Variants in CHN1 observed in about 807,000 individuals in gnomAD.
The protein encoded by CHN1 is N-chimaerin.
Under a neutral mutation model 59.5 loss-of-function variants are expected in CHN1, and 37 were observed. The ratio of observed to expected loss-of-function variants is 0.62; its 90% CI spans 0.48 to 0.82. The LOEUF (loss-of-function observed/expected upper bound fraction) is 0.82. Among genes scored for constraint, CHN1 ranks in the 40% least tolerant of loss-of-function variants. The pLI, the probability that CHN1 is intolerant of heterozygous loss-of-function variation, is 0.00. For missense variants in CHN1, 469 were observed against 571.0 expected (o/e 0.82, Z 1.82); for synonymous variants, 206 against 200.4 (o/e 1.03, Z -0.24).
At chr2:174,992,992 A>G (rs936176475) in intron 1 of CHN1, among the ~76,000 whole-genome samples, 23 of 151,944 alleles carry the variant, frequency 1.5e-4, no homozygotes, top group Non-Finnish European at 2.9e-4. Flanking sequence ...GTCTCACTAC[A>G]TTGCTCAGGC....
chr2:174,934,776 A>C (rs1445335949), intron 3 of CHN1, among the ~76,000 whole-genome samples: 2 of 152,206 alleles, frequency 1.3e-5, no homozygotes, highest in Non-Finnish European at 2.9e-5. Context: ...CTGGTTCCTG[A>C]AAATCTACTA....
chr2:174,954,989 G>GC (rs1245559372), intron 1 of CHN1, among the ~76,000 whole-genome samples: 1 of 151,680 alleles, frequency 6.6e-6, no homozygotes, highest in Non-Finnish European at 1.5e-5. Context: ...ACTTGCACAC[G>GC]CATGTTTATA....
intron 2 of CHN1, among the ~76,000 whole-genome samples, chr2:174,946,940 T>A (rs1248272478): frequency 6.6e-6 from 1 of 151,242 alleles, no homozygotes; most frequent in Non-Finnish European, 1.5e-5. Context: ...TTCAAGTCCA[T>A]TCCTCCATAT....
chr2:175,001,296 TTCAG>T (rs1691882325), intron 1 of CHN1, among the ~76,000 whole-genome samples: 1 of 152,204 alleles, frequency 6.6e-6, no homozygotes, highest in Non-Finnish European at 1.5e-5. Context: ...AAAATTAGCT[TTCAG>T]TCAAATATGA....
chr2:174,982,570 C>T (rs1691191033), intron 1 of CHN1, among the ~76,000 whole-genome samples: 1 of 152,164 alleles, frequency 6.6e-6, no homozygotes, highest in South Asian at 2.1e-4. Flanking sequence ...TAATTTTTAA[C>T]ATAAAACATT....
chr2:175,000,335 T>C (rs927822321), intron 1 of CHN1, among the ~76,000 whole-genome samples: 1 of 151,488 alleles, frequency 6.6e-6, no homozygotes, highest in African/African-American at 2.4e-5. Flanking sequence ...AGAGACATGG[T>C]TTTGCTATGT....
At position 174,915,097 on chromosome 2, in the gene CHN1, T is replaced by C; in HGVS notation, c.221A>G (p.Glu74Gly). ...IVAEGSYLIR[E>G]SQRQPGTYTL... The stretch of plus-strand genomic sequence containing the variant: ...GTAGGTCCCTGGCTGCCGCTGGCTC[T>C]CCCGGATGAGGTAGCTCCCCTCAGC... Residue 74 changes from glutamate (E) to glycine (G), a missense_variant, in exon 5 of 13, where the codon GAG becomes GGG. By Grantham distance (98) the Glu-to-Gly change is moderately conservative. Around this residue, in one of 5 missense-constraint regions of CHN1, gnomAD observed 152 missense variants for 166.1 expected, o/e 0.92. Transcript: ENST00000409900. 1 of 1,612,450 alleles carries C rather than the reference T, an allele frequency of 6.2e-7. No homozygotes were observed. Among genetic ancestry groups the C allele is most frequent in the Non-Finnish European group, 8.5e-7 (1 of 1,179,328 alleles).
intron 2 of CHN1, among the ~76,000 whole-genome samples, chr2:174,945,640 G>T (rs529638850): frequency 6.6e-6 from 1 of 151,912 alleles, no homozygotes; most frequent in South Asian, 2.1e-4. Context: ...AGGATGTGTG[G>T]CTATATATGT....
chr2:174,932,111 G>C (rs1474536224), intron 3 of CHN1, among the ~76,000 whole-genome samples: 1 of 152,190 alleles, frequency 6.6e-6, no homozygotes, highest in Non-Finnish European at 1.5e-5. Flanking sequence ...TAAGGGGAAA[G>C]ATCAGTTAAG....
chr2:174,859,341 CAT>C (rs963045700), intron 6 of CHN1, among the ~76,000 whole-genome samples: 6 of 152,220 alleles, frequency 3.9e-5, no homozygotes, highest in South Asian at 4.1e-4. Context: ...GCAGGGAAAA[CAT>C]AGTTTCAGGA....
In CHN1 at chr2:175,004,917, A is replaced by C; in HGVS notation, c.-5T>G. 6.5e-7 allele frequency: 1 copy of C among 1,534,590 alleles called. No individual in the cohort carries two copies. Among genetic ancestry groups the C allele is most frequent in the Non-Finnish European group, 8.7e-7 (1 of 1,144,582 alleles). ...ACCAAACAGGGTCAGGGCCATTGTAAAGGCGCTCGCCGCCGCCCGCGAGTC... is the reference window on the plus strand; with the variant it reads ...ACCAAACAGGGTCAGGGCCATTGTACAGGCGCTCGCCGCCGCCCGCGAGTC... On this transcript the variant is annotated 5_prime_UTR_variant, in exon 1 of 13. Coordinates refer to ENST00000409900, the MANE Select transcript of CHN1 (RefSeq NM_001822.7).
rs1185863102 is a variant in CHN1 at position 174,799,033 on chromosome 2, C to T, written c.*1083G>A. The stretch of plus-strand genomic sequence containing the variant: ...TGGCCTCTGGGGCTCATCTCTCAGG[C>T]AGCATTGTCAGCTCAATGCATGTTG... On this transcript the variant is annotated 3_prime_UTR_variant, in exon 13 of 13. Coordinates refer to ENST00000409900, the MANE Select transcript of CHN1 (RefSeq NM_001822.7). Among the ~76,000 whole-genome samples the T allele has an allele frequency of 6.6e-6, 1 of 152,228 alleles. No individual in the cohort carries two copies. Among genetic ancestry groups the T allele is most frequent in the Non-Finnish European group, 1.5e-5 (1 of 68,044 alleles).
chr2:174,987,114 A>C (rs779124787), intron 1 of CHN1, among the ~76,000 whole-genome samples: 4 of 152,228 alleles, frequency 2.6e-5, no homozygotes, highest in Non-Finnish European at 4.4e-5. Context: ...CATATAACAC[A>C]AAATATGCGT....
intron 1 of CHN1, among the ~76,000 whole-genome samples, chr2:174,977,149 C>T (rs970111668): frequency 6.6e-6 from 1 of 152,144 alleles, no homozygotes; most frequent in Admixed American, 6.5e-5. Context: ...AAAACAAACC[C>T]GCCTGTCTCA....
intron 1 of CHN1, 49 bp downstream of exon 1, chr2:175,004,845 C>T: frequency 7.7e-7 from 1 of 1,301,890 alleles, no homozygotes; most frequent in Non-Finnish European, 9.9e-7. Context: ...GCCCCCGAGC[C>T]CCGGGACGCG....
At chr2:174,972,632 T>C (rs139103470) in intron 1 of CHN1, among the ~76,000 whole-genome samples, 1 of 152,086 alleles carries the variant, frequency 6.6e-6, no homozygotes, top group African/African-American at 2.4e-5. Context: ...ACAATGGAAG[T>C]TGGAGCAAAG....
At chr2:174,955,200 A>ATCT (rs1690163660) in intron 1 of CHN1, among the ~76,000 whole-genome samples, 6 of 41,258 alleles carry the variant, frequency 1.5e-4, no homozygotes, top group African/African-American at 9.5e-4. Context: ...ATATATATAT[A>ATCT]ATTGATATAT....
At chr2:174,842,439 AC>A (rs1480239766) in intron 7 of CHN1, among the ~76,000 whole-genome samples, 1 of 152,236 alleles carries the variant, frequency 6.6e-6, no homozygotes, top group African/African-American at 2.4e-5. Flanking sequence ...AAAATGGAAT[AC>A]TTGTAATAAA....
At chr2:174,997,272 C>G (rs1470172482) in intron 1 of CHN1, among the ~76,000 whole-genome samples, 1 of 152,166 alleles carries the variant, frequency 6.6e-6, no homozygotes. Context: ...CCCCAGACCT[C>G]GAACGTCCTC....
Sources: allele counts gnomAD v4.1 joint callset (sites outside exome capture counted in the v4.1 genomes callset), GRCh38; gene constraint gnomAD v4.1.1; regional missense constraint gnomAD v4.1.1; transcripts MANE v1.5; gene names NCBI Gene and HGNC (gene_info 2026-07-23, HGNC 2026-07-21).